The following SPECC1L variants were observed in gnomAD, a reference collection of about 807,000 sequenced individuals.
The protein encoded by SPECC1L is sperm antigen with calponin homology and coiled-coil domains 1 like, also known as cytospin-A.
A neutral mutation model predicts 116.8 loss-of-function variants in SPECC1L; 40 were observed. The ratio of observed to expected loss-of-function variants is 0.34; its 90% CI spans 0.27 to 0.45. The LOEUF is 0.45. Among genes scored for constraint, SPECC1L ranks in the 20% least tolerant of loss-of-function variants. The pLI is 1.00. For missense variants in SPECC1L, 1,110 were observed against 1,373.6 expected (o/e 0.81, Z 3.03); for synonymous variants, 504 against 500.6 (o/e 1.01, Z -0.09).
chr22:24,274,751 C>T (rs4822482), intron 1 of SPECC1L, among the ~76,000 whole-genome samples: 112,732 of 150,792 alleles, frequency 0.75, 43,122 homozygotes, highest in African/African-American at 0.93. Flanking sequence ...CCCATTTAAA[C>T]CCTTCAGCAG....
At chr22:24,339,562 C>T (rs1372900112) in intron 10 of SPECC1L, among the ~76,000 whole-genome samples, 5 of 152,310 alleles carry the variant, frequency 3.3e-5, no homozygotes, top group Admixed American at 2.0e-4. Flanking sequence ...ATAGTTGAGG[C>T]GGAGTATTTC....
At chr22:24,362,146 C>T (rs2041658440) in intron 11 of SPECC1L, among the ~76,000 whole-genome samples, 1 of 152,184 alleles carries the variant, frequency 6.6e-6, no homozygotes, top group Non-Finnish European at 1.5e-5. Flanking sequence ...CTTGTGACTG[C>T]CTCTCTGTGT....
At chr22:24,354,888 G>C (rs572935948) in intron 11 of SPECC1L, among the ~76,000 whole-genome samples, 2 of 151,850 alleles carry the variant, frequency 1.3e-5, no homozygotes, top group Admixed American at 6.5e-5. Flanking sequence ...ATGACCTTGT[G>C]ATTCACCCAC....
chr22:24,357,277 G>C (rs2041551619), intron 11 of SPECC1L, among the ~76,000 whole-genome samples: 1 of 152,060 alleles, frequency 6.6e-6, no homozygotes, highest in East Asian at 1.9e-4. Flanking sequence ...TCTTTTTAAG[G>C]CTGAGGCTGG....
At chr22:24,287,118 T>C (rs866693054) in intron 2 of SPECC1L, among the ~76,000 whole-genome samples, 22 of 152,300 alleles carry the variant, frequency 1.4e-4, no homozygotes, top group African/African-American at 4.6e-4. Flanking sequence ...CCTGAAGTGA[T>C]GCACGAGCAG....
In SPECC1L at chr22:24,417,208, G is replaced by C. The variant is rs1194636244; in HGVS notation, c.*2585G>C. 1 of 152,582 alleles carries C rather than the reference G, an allele frequency of 6.6e-6. No homozygotes were observed. The allele number at this position is 152,582 out of a possible 1,614,324, so 9.5% of individuals were successfully genotyped here. The stretch of plus-strand genomic sequence containing the variant: ...CGGACCGACGATACGTTTAAATGTT[G>C]TTCTAGTAAATATTCTTGAATGTAT... On this transcript the variant is annotated 3_prime_UTR_variant, in exon 17 of 17. Transcript: ENST00000314328.
At chr22:24,403,100 C>T (rs1429888859) in intron 14 of SPECC1L, among the ~76,000 whole-genome samples, 2 of 152,174 alleles carry the variant, frequency 1.3e-5, no homozygotes, top group Admixed American at 6.5e-5. Context: ...CACTGTGAAA[C>T]AGGCCCTGTC....
intron 14 of SPECC1L, among the ~76,000 whole-genome samples, chr22:24,410,313 C>A (rs375548077): frequency 1.3e-5 from 2 of 152,372 alleles, no homozygotes; most frequent in South Asian, 4.1e-4. Flanking sequence ...GGACCACAGG[C>A]GCATGCCTGG....
chr22:24,290,245 C>T (rs746196341), intron 2 of SPECC1L, among the ~76,000 whole-genome samples: 2 of 152,154 alleles, frequency 1.3e-5, no homozygotes, highest in Admixed American at 6.5e-5. Flanking sequence ...ATTTTCCTTC[C>T]GTGGCCATGA....
intron 1 of SPECC1L, among the ~76,000 whole-genome samples, chr22:24,272,839 G>A (rs1301216663): frequency 6.6e-6 from 1 of 152,154 alleles, no homozygotes; most frequent in Non-Finnish European, 1.5e-5. Flanking sequence ...CTTTGATTTA[G>A]TGTATACCAC....
chr22:24,411,086 G>A (rs904951042), intron 14 of SPECC1L, among the ~76,000 whole-genome samples: 2 of 152,152 alleles, frequency 1.3e-5, no homozygotes, highest in African/African-American at 4.8e-5. Flanking sequence ...TACTCGGGAG[G>A]CTGAAGCAGG....
chr22:24,355,146 G>T (rs186543264), intron 11 of SPECC1L, among the ~76,000 whole-genome samples: 171 of 151,860 alleles, frequency 1.1e-3, no homozygotes, highest in Middle Eastern at 6.8e-3. Flanking sequence ...AGCTGAGCGT[G>T]GTGGTGTGCA....
At chr22:24,399,045 T>C (rs2042420202) in intron 14 of SPECC1L, among the ~76,000 whole-genome samples, 1 of 152,082 alleles carries the variant, frequency 6.6e-6, no homozygotes, top group Admixed American at 6.5e-5. Flanking sequence ...ATGCTCAGAG[T>C]TCATCAGTTA....
chr22:24,387,550 G>A (rs5760388), intron 14 of SPECC1L, among the ~76,000 whole-genome samples: 3,790 of 152,116 alleles, frequency 0.025, 152 homozygotes, highest in South Asian at 0.12. Flanking sequence ...AATTTTTTTG[G>A]TATTTTCAGG....
intron 13 of SPECC1L, among the ~76,000 whole-genome samples, chr22:24,365,863 T>A (rs2041753619): frequency 1.3e-5 from 2 of 150,272 alleles, no homozygotes; most frequent in South Asian, 2.1e-4. Flanking sequence ...TTTTTTTTTT[T>A]AGAGAATGGT....
intron 14 of SPECC1L, among the ~76,000 whole-genome samples, chr22:24,390,253 A>G (rs12628126): frequency 3.3e-5 from 5 of 151,876 alleles, no homozygotes; most frequent in Admixed American, 3.3e-4. Context: ...TCTCTCCATG[A>G]TCAGAGTTAG....
chr22:24,311,007 A>T (rs2040450449), intron 3 of SPECC1L, among the ~76,000 whole-genome samples: 1 of 152,170 alleles, frequency 6.6e-6, no homozygotes, highest in African/African-American at 2.4e-5. Context: ...ACCTAGCACC[A>T]TTTTCTGGAA....
chr22:24,280,667 T>C (rs915229994), intron 2 of SPECC1L, among the ~76,000 whole-genome samples: 1 of 151,854 alleles, frequency 6.6e-6, no homozygotes, highest in African/African-American at 2.4e-5. Flanking sequence ...AGCCCTGACT[T>C]CCCAGGCTCA....
intron 2 of SPECC1L, among the ~76,000 whole-genome samples, chr22:24,283,014 G>A (rs1422525040): frequency 6.6e-6 from 1 of 151,918 alleles, no homozygotes; most frequent in Non-Finnish European, 1.5e-5. Flanking sequence ...TTGACCTCAG[G>A]TGATCCACCC....
Sources: allele counts gnomAD v4.1 joint callset (sites outside exome capture counted in the v4.1 genomes callset), GRCh38; gene constraint gnomAD v4.1.1; transcripts MANE v1.5; gene names NCBI Gene and HGNC (gene_info 2026-07-23, HGNC 2026-07-21).